The following PHKG1 variants were observed in gnomAD, a reference collection of about 807,000 sequenced individuals.
The protein encoded by PHKG1 is phosphorylase b kinase gamma catalytic chain, skeletal muscle/heart isoform.
In PHKG1, 48 loss-of-function variants were observed where a neutral mutation model predicts 50.5. The ratio of observed to expected loss-of-function variants is 0.95; its 90% CI spans 0.75 to 1.21. The LOEUF is 1.21. PHKG1 is among the 50% of genes most tolerant of loss of function. The pLI, the probability that PHKG1 is intolerant of heterozygous loss-of-function variation, is 0.00. For missense variants in PHKG1, 487 were observed against 519.5 expected (o/e 0.94, Z 0.61); for synonymous variants, 204 against 212.8 (o/e 0.96, Z 0.36).
rs1795977713 is a variant in PHKG1 at position 56,081,356 on chromosome 7, C to T, written c.919-57G>A. 6.4e-7 allele frequency: 1 copy of T among 1,554,356 alleles called. No individual in the cohort carries two copies. Among genetic ancestry groups the T allele is most frequent in the Non-Finnish European group, 8.6e-7 (1 of 1,156,530 alleles). ...GCCCCCGCCCTGCCAGGCCCTGCCC[C>T]TCCAGCACAGGGACGCTCTGGGCTC... On this transcript the variant is annotated intron_variant, in intron 9 of 9. Coordinates refer to ENST00000297373, the MANE Select transcript of PHKG1 (RefSeq NM_006213.5). The surrounding 1 kb of genome is among the most constrained non-coding windows in gnomAD (Gnocchi z 4.6).
intron 4 of PHKG1, among the ~76,000 whole-genome samples, chr7:56,086,438 C>T (rs544710263): frequency 2.0e-5 from 3 of 152,072 alleles, no homozygotes; most frequent in East Asian, 3.9e-4. Context: ...TTTGGGAGGC[C>T]GAGGTGGGAG....
In PHKG1 at chr7:56,080,762, A is replaced by T. The variant is rs1414612536; in HGVS notation, c.*292T>A. ...GGGCCTCCCCTAAAGAGAAATGGAG[A>T]TGGTGGCTCATCTAGGAAGTAGAGG... On this transcript the variant is annotated 3_prime_UTR_variant, in exon 10 of 10. Transcript: ENST00000297373. 2 of 452,934 alleles carry T rather than the reference A, an allele frequency of 4.4e-6. No homozygotes were observed. Among genetic ancestry groups the T allele is most frequent in the African/African-American group, 3.9e-5 (2 of 50,866 alleles). 28.1% of individuals were successfully genotyped at this position (452,934 alleles called of 1,614,324 possible).
chr7:56,090,197 C>T (rs542738623), intron 1 of PHKG1, among the ~76,000 whole-genome samples: 56 of 152,220 alleles, frequency 3.7e-4, no homozygotes, highest in African/African-American at 1.2e-3. Flanking sequence ...TTCACTGCAA[C>T]CTCCACCTCC....
At chr7:56,083,479 C>T (rs1207692580) in intron 5 of PHKG1, 38 bp from the exon 6 acceptor site, 1 of 1,609,688 alleles carries the variant, frequency 6.2e-7, no homozygotes, top group Non-Finnish European at 8.5e-7. Context: ...TTCCTCTGCT[C>T]AGGGTCAGGT....
chr7:56,085,002 C>G (rs1796194381), intron 4 of PHKG1, among the ~76,000 whole-genome samples: 1 of 152,214 alleles, frequency 6.6e-6, no homozygotes, highest in South Asian at 2.1e-4. Context: ...CCTCTGTTGC[C>G]CAGGCTGGAG....
chr7:56,089,694 T>C (rs771528827), intron 1 of PHKG1, among the ~76,000 whole-genome samples: 3 of 151,848 alleles, frequency 2.0e-5, no homozygotes, highest in Non-Finnish European at 4.4e-5. Context: ...TGGCTAATTG[T>C]TGTATTTTTA....
At chr7:56,087,911 A>AATGGTGG in intron 2 of PHKG1, 135 bp from the exon 3 acceptor site, 1 of 669,260 alleles carries the variant, frequency 1.5e-6, no homozygotes. Flanking sequence ...AGCTTTTGGA[A>AATGGTGG]ATGGTGGATG....
chr7:56,091,010 G>A (rs960707989), intron 1 of PHKG1, among the ~76,000 whole-genome samples: 1 of 152,244 alleles, frequency 6.6e-6, no homozygotes, highest in Non-Finnish European at 1.5e-5. Flanking sequence ...TCAGGAGTTC[G>A]AGACCAGCCT....
rs13223519 is a variant in PHKG1 at position 56,083,862 on chromosome 7, C to T, written c.318-147G>A. Reference sequence around the variant, plus strand: ...AGAACCACAGTCTGGGGAGAGGAGCCGGGGAAGTGAGAAGTGTTCTGGAAG... The same window carrying T: ...AGAACCACAGTCTGGGGAGAGGAGCTGGGGAAGTGAGAAGTGTTCTGGAAG... On this transcript the variant is annotated intron_variant, in intron 4 of 9. Transcript: ENST00000297373. 0.029 allele frequency: 19,374 copies of T among 660,472 alleles called. 453 individuals carry two copies. Among genetic ancestry groups the T allele is most frequent in the Admixed American group, 0.072 (3,004 of 41,838 alleles). The allele number at this position is 660,472 out of a possible 1,614,324, so 40.9% of individuals were successfully genotyped here. A position where few individuals can be genotyped will look rare whatever the true frequency, so the allele number is the denominator to read the frequency against.
rs528474314 is a variant in PHKG1 at position 56,084,368 on chromosome 7, C to A, written c.318-653G>T. The A allele has an allele frequency of 7.6e-6, 4 of 525,242 alleles. No individual in the cohort carries two copies. The Admixed American group carries it at 1.1e-4, about 14-fold the overall frequency. 32.5% of individuals were successfully genotyped at this position (525,242 alleles called of 1,614,324 possible). Reference sequence around the variant, plus strand: ...CCAGATCAGAAGGACGTGAGTATCCCGATTTTTTTTTTTTTTTTTTTTTGA... The same window carrying A: ...CCAGATCAGAAGGACGTGAGTATCCAGATTTTTTTTTTTTTTTTTTTTTGA... On this transcript the variant is annotated intron_variant, in intron 4 of 9. Transcript: ENST00000297373.
In PHKG1 at chr7:56,082,212, C is replaced by A; in HGVS notation, c.589G>T (p.Glu197Ter). 6.2e-7 allele frequency: 1 copy of A among 1,613,804 alleles called. No individual in the cohort carries two copies. The highest frequency in any genetic ancestry group is 8.5e-7 in the Non-Finnish European group (1 of 1,180,002). The change falls in exon 7 of 10, where the codon GAG becomes TAG. Residue 197 changes from glutamate to a stop codon, truncating the protein, a stop_gained. Coordinates refer to ENST00000297373, the MANE Select transcript of PHKG1 (RefSeq NM_006213.5). LOFTEE classifies it high-confidence loss of function. ...GGGTGGTCCTCATTCATGGAGCACT[C>A]GATAATCTCAGGGGCCAGGTAACTG... The part of the protein sequence containing the change: ...TPSYLAPEII[E>*]CSMNEDHPGY...
chr7:56,087,662 C>G lies in PHKG1; in HGVS notation c.198G>C (p.Glu66Asp). Residue 66 changes from glutamate to aspartate, a missense_variant, in exon 3 of 10, where the codon GAG (glutamate) becomes GAC (aspartate). Physicochemically the swap from Glu to Asp is conservative, Grantham distance 45. Coordinates refer to ENST00000297373, the MANE Select transcript of PHKG1 (RefSeq NM_006213.5). ...CCTCCTTCAGCGTGGCTTCTCGCAGCTCCCGCACCTCCTCCGGGCTGAAGC... is the reference window on the plus strand; with the variant it reads ...CCTCCTTCAGCGTGGCTTCTCGCAGGTCCCGCACCTCCTCCGGGCTGAAGC... ...GGSFSPEEVRELREATLKEVD... is the reference protein window; with the variant it reads ...GGSFSPEEVRDLREATLKEVD... The G allele has an allele frequency of 6.2e-7, 1 of 1,613,996 alleles. No individual in the cohort carries two copies. Among genetic ancestry groups the G allele is most frequent in the South Asian group, 1.1e-5 (1 of 91,088 alleles).
chr7:56,084,370 ATTTTTTTT>A (rs534790677), intron 4 of PHKG1: 3 of 408,792 alleles, frequency 7.3e-6, no homozygotes, highest in South Asian at 3.1e-5. Flanking sequence ...GAGTATCCCG[ATTTTTTTT>A]TTTTTTTTTT....
At chr7:56,087,088 A>T in intron 3 of PHKG1, 64 bp from the exon 4 acceptor site, 6 of 1,309,816 alleles carry the variant, frequency 4.6e-6, no homozygotes, top group Non-Finnish European at 5.5e-6. Flanking sequence ...CAGCCGGGGC[A>T]CGGGGGTCAG....
chr7:56,085,184 C>T (rs2117567537), intron 4 of PHKG1, among the ~76,000 whole-genome samples: 1 of 152,262 alleles, frequency 6.6e-6, no homozygotes, highest in South Asian at 2.1e-4. Flanking sequence ...TGGTCTCGAA[C>T]TCCCGGCTTC....
intron 2 of PHKG1, among the ~76,000 whole-genome samples, chr7:56,088,235 A>G (rs1478662711): frequency 1.3e-5 from 2 of 151,564 alleles, no homozygotes; most frequent in Admixed American, 6.6e-5. Flanking sequence ...GGGTTTCAAC[A>G]TGTTGGCCAG....
intron 6 of PHKG1, 82 bp from the exon 7 acceptor site, chr7:56,082,335 A>G: frequency 5.4e-6 from 6 of 1,103,458 alleles, no homozygotes; most frequent in East Asian, 2.4e-5. Context: ...GCTCATTTCT[A>G]TAATCCTAGC....
At chr7:56,088,806 C>T in intron 2 of PHKG1, 53 bp downstream of exon 2, 2 of 1,274,932 alleles carry the variant, frequency 1.6e-6, no homozygotes, top group South Asian at 1.2e-5. Flanking sequence ...CTGTAGCCCA[C>T]AGGGTCTGCT....
At chr7:56,084,673 G>A (rs1006660353) in intron 4 of PHKG1, among the ~76,000 whole-genome samples, 5 of 151,866 alleles carry the variant, frequency 3.3e-5, no homozygotes, top group Non-Finnish European at 7.4e-5. Context: ...ACGCCTGGCC[G>A]AGTATCCCGA....
Sources: allele counts gnomAD v4.1 joint callset (sites outside exome capture counted in the v4.1 genomes callset), GRCh38; gene constraint gnomAD v4.1.1; non-coding constraint Gnocchi (gnomAD v3.1); transcripts MANE v1.5; gene names NCBI Gene and HGNC (gene_info 2026-07-23, HGNC 2026-07-21).